IPCEF1: variants seen among roughly 807,000 people sequenced by gnomAD.
The protein encoded by IPCEF1 is interactor protein for cytohesin exchange factors 1.
A neutral mutation model predicts 50.9 loss-of-function variants in IPCEF1; 31 were observed. The observed-to-expected ratio is 0.61, with a 90% CI of 0.46 to 0.82. The LOEUF (loss-of-function observed/expected upper bound fraction) is 0.82. Ranked by LOEUF, IPCEF1 falls within the 40% of genes least tolerant of loss-of-function variation. The probability of loss-of-function intolerance (pLI) is 0.00; values close to 1 mark genes in which losing one functional copy is unlikely to be tolerated. For missense variants in IPCEF1, 458 were observed against 514.0 expected (o/e 0.89, Z 1.05); for synonymous variants, 181 against 192.0 (o/e 0.94, Z 0.47).
intron 11 of IPCEF1, 99 bp from the exon 12 acceptor site, chr6:154,160,139 A>G: frequency 1.1e-6 from 1 of 892,826 alleles, no homozygotes; most frequent in South Asian, 1.6e-5. Context: ...CATATACATA[A>G]AATTACCAAA....
chr6:154,182,425 G>A (rs937250657), intron 10 of IPCEF1, among the ~76,000 whole-genome samples: 1 of 152,098 alleles, frequency 6.6e-6, no homozygotes, highest in South Asian at 2.1e-4. Context: ...ATAATCTTAA[G>A]TTGACTCCAT....
chr6:154,210,194 T>C (rs987068785), intron 9 of IPCEF1, among the ~76,000 whole-genome samples: 2 of 152,216 alleles, frequency 1.3e-5, no homozygotes, highest in Admixed American at 1.3e-4. Context: ...GTTGCTTTTA[T>C]TTCACCAGTG....
chr6:154,342,443 C>A (rs1255947774), intron 1 of IPCEF1, among the ~76,000 whole-genome samples: 1 of 152,182 alleles, frequency 6.6e-6, no homozygotes, highest in Non-Finnish European at 1.5e-5. Context: ...CACCCCTCTC[C>A]CTACATGCCT....
chr6:154,172,840 C>T (rs12214502), intron 10 of IPCEF1, among the ~76,000 whole-genome samples: 29,440 of 152,248 alleles, frequency 0.19, 3,456 homozygotes, highest in East Asian at 0.41. Context: ...TCTCTGATAA[C>T]GGACAGACCA....
chr6:154,247,281 G>A (rs563254639), intron 4 of IPCEF1, 168 bp downstream of exon 4: 5 of 577,646 alleles, frequency 8.7e-6, no homozygotes, highest in East Asian at 5.6e-5. Context: ...ACAACATGTC[G>A]TCATTTCTTA....
At chr6:154,169,466 C>T (rs1272513156) in intron 10 of IPCEF1, among the ~76,000 whole-genome samples, 1 of 152,160 alleles carries the variant, frequency 6.6e-6, no homozygotes, top group African/African-American at 2.4e-5. Flanking sequence ...CCATGCAAGT[C>T]GACAAATATC....
At chr6:154,208,227 T>C (rs973232040) in intron 9 of IPCEF1, among the ~76,000 whole-genome samples, 9 of 152,100 alleles carry the variant, frequency 5.9e-5, no homozygotes, top group Admixed American at 5.2e-4. Context: ...TACTCTCATC[T>C]TGGTTCACCC....
At chr6:154,323,747 G>A (rs1783450249) in intron 1 of IPCEF1, among the ~76,000 whole-genome samples, 1 of 152,186 alleles carries the variant, frequency 6.6e-6, no homozygotes, top group Admixed American at 6.5e-5. Flanking sequence ...GAGGTCAGGA[G>A]TTCAAGACCA....
intron 1 of IPCEF1, among the ~76,000 whole-genome samples, chr6:154,333,231 G>A (rs1392852841): frequency 6.6e-6 from 1 of 151,902 alleles, no homozygotes; most frequent in African/African-American, 2.4e-5. Context: ...GATCCTGGGT[G>A]TGTCTGTGAG....
At chr6:154,262,818 C>T (rs1272777212) in intron 3 of IPCEF1, among the ~76,000 whole-genome samples, 2 of 130,258 alleles carry the variant, frequency 1.5e-5, no homozygotes, top group African/African-American at 2.9e-5. Context: ...TGCTCTGTCA[C>T]CAGGCTGGAG....
intron 10 of IPCEF1, among the ~76,000 whole-genome samples, chr6:154,184,978 A>G (rs1171046743): frequency 2.0e-5 from 3 of 152,236 alleles, no homozygotes; most frequent in African/African-American, 7.2e-5. Context: ...AAGTACTACC[A>G]GGGCCAGCCT....
rs538946515 is a variant in IPCEF1 at position 154,261,822 on chromosome 6, C to T, written c.36+4090G>A. Among the ~76,000 whole-genome samples, 18 of 152,202 alleles carry T rather than the reference C, an allele frequency of 1.2e-4. No homozygotes were observed. The East Asian group carries it at 3.3e-3, about 28-fold the overall frequency. The stretch of plus-strand genomic sequence containing the variant: ...CTTAAAGGTATATTCCTTCCCCCTA[C>T]CCCCAACAAGATGGTATGCTCCTCA... On this transcript the variant is annotated intron_variant, in intron 3 of 11. Transcript: ENST00000367220.
At chr6:154,189,825 T>C (rs1163753425) in intron 10 of IPCEF1, among the ~76,000 whole-genome samples, 1 of 151,676 alleles carries the variant, frequency 6.6e-6, no homozygotes, top group Admixed American at 6.6e-5. Flanking sequence ...AAAAATTATC[T>C]GGGCATGGTG....
chr6:154,180,414 A>ATATATATTTTT (rs1241250621), intron 10 of IPCEF1, among the ~76,000 whole-genome samples: 162 of 65,168 alleles, frequency 2.5e-3, no homozygotes, highest in African/African-American at 7.3e-3. Flanking sequence ...ATATATATAT[A>ATATATATTTTT]TTTTTTTTTT....
intron 1 of IPCEF1, among the ~76,000 whole-genome samples, chr6:154,321,230 C>T (rs1313501358): frequency 6.6e-6 from 1 of 152,002 alleles, no homozygotes; most frequent in African/African-American, 2.4e-5. Context: ...CATGCCCAGC[C>T]TATATGTATA....
intron 3 of IPCEF1, among the ~76,000 whole-genome samples, chr6:154,256,187 AG>A (rs1781456630): frequency 6.6e-6 from 1 of 152,142 alleles, no homozygotes; most frequent in African/African-American, 2.4e-5. Flanking sequence ...GTGCCTGGTG[AG>A]GGCCCTCTTA....
At chr6:154,355,140 T>G (rs957256956) in intron 1 of IPCEF1, among the ~76,000 whole-genome samples, 5 of 152,066 alleles carry the variant, frequency 3.3e-5, no homozygotes, top group Non-Finnish European at 1.5e-5. Context: ...AAAGCAGAAG[T>G]GAGCTGTTCA....
chr6:154,179,452 C>T (rs967619756), intron 10 of IPCEF1, among the ~76,000 whole-genome samples: 6 of 152,228 alleles, frequency 3.9e-5, no homozygotes, highest in African/African-American at 9.6e-5. Context: ...CAGAGAAGAC[C>T]GCTTGTCTCT....
At chr6:154,307,224 G>A (rs1463065378) in intron 1 of IPCEF1, among the ~76,000 whole-genome samples, 1 of 152,182 alleles carries the variant, frequency 6.6e-6, no homozygotes, top group African/African-American at 2.4e-5. Flanking sequence ...GGTGGGACAT[G>A]ACTGAATCAT....
Sources: gnomAD v4.1 joint callset for allele counts (sites outside exome capture counted in the v4.1 genomes callset) on GRCh38, gnomAD v4.1.1 for gene constraint, MANE v1.5 for transcripts, NCBI Gene and HGNC (gene_info 2026-07-23, HGNC 2026-07-21) for gene names.